Variants in WDR27 observed in about 807,000 individuals in gnomAD.
WDR27 encodes WD repeat domain 27.
Under a neutral mutation model 114.4 loss-of-function variants are expected in WDR27, and 100 were observed. The observed-to-expected ratio is 0.87, with a 90% CI of 0.74 to 1.03. The LOEUF is 1.03. WDR27 is among the 50% of genes least tolerant of loss of function. The pLI is 0.00. For missense variants in WDR27, 1,129 were observed against 1,092.9 expected, an observed-to-expected ratio of 1.03 and a Z score of -0.47; for synonymous variants, 449 against 423.1, an observed-to-expected ratio of 1.06 and a Z score of -0.75.
chr6:169,642,355 C>G (rs549384391), intron 17 of WDR27, among the ~76,000 whole-genome samples: 19 of 151,064 alleles, frequency 1.3e-4, no homozygotes, highest in Non-Finnish European at 2.2e-4. Context: ...ATTTGAAAAC[C>G]CACTACATTT....
chr6:169,510,211 A>ATGTC (rs1792628471), intron 25 of WDR27, among the ~76,000 whole-genome samples: 1 of 152,200 alleles, frequency 6.6e-6, no homozygotes, highest in Non-Finnish European at 1.5e-5. Context: ...ACCATTGTGG[A>ATGTC]AGTTGGCGTG....
intron 25 of WDR27, among the ~76,000 whole-genome samples, chr6:169,545,373 A>G (rs1425091007): frequency 2.0e-5 from 3 of 152,220 alleles, no homozygotes; most frequent in Non-Finnish European, 4.4e-5. Flanking sequence ...GCACCAAAGA[A>G]GAATCTATAA....
intron 22 of WDR27, 111 bp from the exon 23 acceptor site, chr6:169,602,432 A>C: frequency 1.5e-6 from 1 of 660,892 alleles, no homozygotes; most frequent in Non-Finnish European, 2.7e-6. Flanking sequence ...CAAAAGAATA[A>C]TGAAAGAATA....
At chr6:169,615,029 C>T (rs556515488) in intron 21 of WDR27, among the ~76,000 whole-genome samples, 93 of 151,602 alleles carry the variant, frequency 6.1e-4, no homozygotes, top group Non-Finnish European at 7.8e-4. Flanking sequence ...GTGTTCAATC[C>T]AATAGAGGGT....
Position 169,464,976 on chromosome 6 carries a change from G to A in WDR27, c.2646-7342C>T, listed in dbSNP as rs1785365553. Among the ~76,000 whole-genome samples the A allele has an allele frequency of 2.0e-5, 3 of 151,754 alleles. No individual in the cohort carries two copies. In the South Asian group the frequency reaches 6.2e-4, roughly 32 times the overall value. Reference sequence around the variant, plus strand: ...CATCTCTACTAAAAATACAAAATTAGCTGGGTGTGGGGGCGCATGCCTGTA... The same window carrying A: ...CATCTCTACTAAAAATACAAAATTAACTGGGTGTGGGGGCGCATGCCTGTA... On this transcript the variant is annotated intron_variant, in intron 25 of 25. Transcript: ENST00000448612.
rs144831448 is a variant in WDR27 at position 169,616,495 on chromosome 6, TAAGAAG to T, written c.2224-2845_2224-2840del. Among the ~76,000 whole-genome samples, 91 of 151,238 alleles carry T rather than the reference TAAGAAG, an allele frequency of 6.0e-4. 1 individual carries two copies. In the South Asian group the frequency reaches 9.2e-3, roughly 15 times the overall value. Reference sequence around the variant, plus strand: ...GAGCAAGACTCCGTCTCCAAAAAAATAAGAAGAAGAAGAAGAAGAAACTGACAAGAT... The same window carrying T: ...GAGCAAGACTCCGTCTCCAAAAAAATAAGAAGAAGAAGAAACTGACAAGAT... On this transcript the variant is annotated intron_variant, in intron 21 of 25. Transcript: ENST00000448612.
chr6:169,627,657 C>T (rs1269356655), intron 21 of WDR27, among the ~76,000 whole-genome samples: 1 of 152,196 alleles, frequency 6.6e-6, no homozygotes, highest in Non-Finnish European at 1.5e-5. Context: ...ATTGCTCAGG[C>T]AGGTGCAGCC....
At chr6:169,627,603 G>A (rs1163988727) in intron 21 of WDR27, among the ~76,000 whole-genome samples, 1 of 152,198 alleles carries the variant, frequency 6.6e-6, no homozygotes, top group Non-Finnish European at 1.5e-5. Context: ...CAGGCCCAGC[G>A]TCTCCATCCT....
chr6:169,533,701 G>A (rs896388741), intron 25 of WDR27, among the ~76,000 whole-genome samples: 22 of 152,168 alleles, frequency 1.4e-4, no homozygotes, highest in African/African-American at 3.9e-4. Flanking sequence ...TGCAGGCACC[G>A]GCCTGTGATC....
At position 169,515,624 on chromosome 6, in the gene WDR27, A is replaced by G. The variant is rs189595882; in HGVS notation, c.2645+56795T>C. 5.1e-4 allele frequency among the ~76,000 whole-genome samples: 77 copies of G among 152,188 alleles called. 1 individual carries two copies. The highest frequency in any genetic ancestry group is 1.6e-3 in the African/African-American group (68 of 41,556). On this transcript the variant is annotated intron_variant, in intron 25 of 25. Transcript: ENST00000448612. Reference sequence around the variant, plus strand: ...AGTAAAATCATAATTTGGTAATTGAAAGCCTTTCTTTGTGCCAACAAAATA... The same window carrying G: ...AGTAAAATCATAATTTGGTAATTGAGAGCCTTTCTTTGTGCCAACAAAATA...
the WDR27 span, among the ~76,000 whole-genome samples, chr6:169,435,483 AG>A: frequency 6.6e-6 from 1 of 152,206 alleles, no homozygotes; most frequent in Admixed American, 6.5e-5. Context: ...GCAAAGCCAC[AG>A]GGGTGGAGCT....
intron 16 of WDR27, 100 bp downstream of exon 16, chr6:169,647,672 AT>A (rs1821139543): frequency 9.0e-7 from 1 of 1,105,236 alleles, no homozygotes; most frequent in African/African-American, 1.6e-5. Context: ...GTTTTTAAAA[AT>A]ATATTTACAA....
chr6:169,644,146 G>C (rs1157257885), intron 16 of WDR27, among the ~76,000 whole-genome samples: 1 of 145,120 alleles, frequency 6.9e-6, no homozygotes, highest in African/African-American at 2.6e-5. Context: ...CTAGTTCACA[G>C]GAGTCACACT....
chr6:169,689,390 G>A (rs528807310), intron 1 of WDR27: 16 of 156,032 alleles, frequency 1.0e-4, no homozygotes, highest in East Asian at 1.9e-4. Flanking sequence ...GGCACTTAGC[G>A]TTCTAAACGT....
intron 25 of WDR27, among the ~76,000 whole-genome samples, chr6:169,529,713 C>G (rs1584002723): frequency 6.6e-6 from 1 of 152,270 alleles, no homozygotes; most frequent in Middle Eastern, 3.4e-3. Flanking sequence ...TATTAGAATA[C>G]TATAAGCACA....
rs117741814 is a variant in WDR27, at chr6:169,654,246, T to C, written c.1403-2238A>G. The stretch of plus-strand genomic sequence containing the variant: ...GGTTTTATACTCAAAATCAATCATA[T>C]ACCTAATTTAAAATATTACACCAAG... On this transcript the variant is annotated intron_variant, in intron 13 of 25. Transcript: ENST00000448612. Among the ~76,000 whole-genome samples the C allele has an allele frequency of 4.6e-4, 70 of 152,318 alleles. 3 individuals are homozygous for C. The East Asian group carries it at 0.011, about 24-fold the overall frequency.
chr6:169,489,379 G>T (rs528866389), intron 25 of WDR27, among the ~76,000 whole-genome samples: 62 of 152,336 alleles, frequency 4.1e-4, no homozygotes, highest in Middle Eastern at 3.4e-3. Flanking sequence ...GTGAGACTAT[G>T]GCAGACAGCA....
At chr6:169,549,717 T>G (rs376865135) in intron 25 of WDR27, among the ~76,000 whole-genome samples, 1 of 152,080 alleles carries the variant, frequency 6.6e-6, no homozygotes, top group South Asian at 2.1e-4. Flanking sequence ...AAGCAAGCCA[T>G]GAAAAGACAC....
At chr6:169,628,576 A>G (rs2128210205) in intron 21 of WDR27, among the ~76,000 whole-genome samples, 1 of 152,274 alleles carries the variant, frequency 6.6e-6, no homozygotes, top group Middle Eastern at 3.4e-3. Flanking sequence ...TAAAACCAAA[A>G]GTTTTATCTA....
Sources: gnomAD v4.1 joint callset for allele counts (sites outside exome capture counted in the v4.1 genomes callset) on GRCh38, gnomAD v4.1.1 for gene constraint, MANE v1.5 for transcripts, NCBI Gene and HGNC (gene_info 2026-07-23, HGNC 2026-07-21) for gene names.